SIM1: variants seen among roughly 807,000 people sequenced by gnomAD.
SIM1 encodes SIM bHLH transcription factor 1.
SIM1 carries 18 observed loss-of-function variants against 78.2 expected under a neutral mutation model. The observed-to-expected ratio is 0.23, with a 90% confidence interval of 0.16 to 0.34. SIM1 has a LOEUF of 0.34. SIM1 is among the 10% of genes least tolerant of loss of function. The pLI is 1.00. For synonymous variants in SIM1, 417 were observed against 385.2 expected (o/e 1.08, Z -0.97); for missense variants, 939 against 975.1 (o/e 0.96, Z 0.49).
intron 10 of SIM1, among the ~76,000 whole-genome samples, chr6:100,397,472 C>G (rs1293627512): frequency 6.6e-6 from 1 of 151,708 alleles, no homozygotes; most frequent in Non-Finnish European, 1.5e-5. Flanking sequence ...CACTCATAGG[C>G]AAAAAATCAA....
At chr6:100,444,607 C>T (rs543829344) in intron 9 of SIM1, among the ~76,000 whole-genome samples, 2 of 152,222 alleles carry the variant, frequency 1.3e-5, no homozygotes, top group East Asian at 1.9e-4. Context: ...GGTGGGCATA[C>T]AGAAGTCAGT....
intron 10 of SIM1, among the ~76,000 whole-genome samples, chr6:100,412,583 G>GAAAGAAAGAAAGAA (rs1771229957): frequency 1.2e-5 from 1 of 84,482 alleles, no homozygotes; most frequent in African/African-American, 4.2e-5. Context: ...AAGAAAGAAA[G>GAAAGAAAGAAAGAA]AAAGAAAGAA....
In SIM1 at chr6:100,415,203, A is replaced by G. The variant is rs7766731; in HGVS notation, c.1167+5587T>C. On this transcript the variant is annotated intron_variant, in intron 10 of 11. Transcript: ENST00000369208. ...TCTGGAATGAGGAGGCAATTTATTCATGATTGACATGACGAAACCATGGCA... is the reference window on the plus strand; with the variant it reads ...TCTGGAATGAGGAGGCAATTTATTCGTGATTGACATGACGAAACCATGGCA... Among the ~76,000 whole-genome samples the G allele has an allele frequency of 3.8e-3, 574 of 152,360 alleles. 3 individuals carry two copies. The highest frequency in any genetic ancestry group is 0.013 in the African/African-American group (558 of 41,596).
At chr6:100,458,027 T>TCTCTCTCTCTCTCC (rs1772727180) in intron 2 of SIM1, among the ~76,000 whole-genome samples, 1 of 39,210 alleles carries the variant, frequency 2.6e-5, no homozygotes, top group African/African-American at 6.2e-5. Context: ...TCTCTCTCTC[T>TCTCTCTCTCTCTCC]CTCTCTCTCT....
Position 100,463,651 on chromosome 6 carries a change from G to T in SIM1, c.-183C>A, listed in dbSNP as rs548284201. 3.6e-6 allele frequency: 2 copies of T among 549,040 alleles called. No homozygotes were observed. Among genetic ancestry groups the T allele is most frequent in the South Asian group, 3.1e-5 (1 of 32,212 alleles). 34.0% of individuals were successfully genotyped at this position (549,040 alleles called of 1,614,324 possible). A position where few individuals can be genotyped will look rare whatever the true frequency, so the allele number is the denominator to read the frequency against. ...CAGTAAAAGACCAGCGGGGGTGAAC[G>T]GAAAATATGTTCTTTGAAAATTCGG... is the stretch of plus-strand genomic sequence containing the variant. On this transcript the variant is annotated 5_prime_UTR_variant, in exon 2 of 12. Coordinates refer to ENST00000369208, the MANE Select transcript of SIM1 (RefSeq NM_005068.3).
At chr6:100,446,872 C>T (rs536648129) in intron 9 of SIM1, among the ~76,000 whole-genome samples, 7 of 152,248 alleles carry the variant, frequency 4.6e-5, no homozygotes, top group South Asian at 2.1e-4. Context: ...AACTTCAAAC[C>T]CCAGATTTGA....
chr6:100,461,151 C>A (rs907026494), intron 2 of SIM1, among the ~76,000 whole-genome samples: 6 of 152,176 alleles, frequency 3.9e-5, no homozygotes, highest in Admixed American at 2.0e-4. Flanking sequence ...TTCTGGCCAC[C>A]AAGAGGACTC....
chr6:100,448,991 T>C (rs576760721), intron 6 of SIM1, among the ~76,000 whole-genome samples: 1 of 152,182 alleles, frequency 6.6e-6, no homozygotes, highest in African/African-American at 2.4e-5. Context: ...GTGAGACCCA[T>C]AGCTTCGAAT....
At chr6:100,419,327 G>T (rs966851663) in intron 10 of SIM1, among the ~76,000 whole-genome samples, 2 of 152,244 alleles carry the variant, frequency 1.3e-5, no homozygotes, top group Middle Eastern at 3.4e-3. Flanking sequence ...AAAGAAACCT[G>T]ATCTTCTGTG....
At chr6:100,463,135 T>C in intron 2 of SIM1, 159 bp downstream of exon 2, 1 of 580,780 alleles carries the variant, frequency 1.7e-6, no homozygotes, top group East Asian at 2.8e-5. Context: ...AAATTCTGAG[T>C]TCAGTGAGGA....
At chr6:100,402,603 A>G (rs1770947649) in intron 10 of SIM1, among the ~76,000 whole-genome samples, 2 of 76,430 alleles carry the variant, frequency 2.6e-5, no homozygotes, top group Non-Finnish European at 4.9e-5. Flanking sequence ...TTTGAGACGG[A>G]GTCTCGCCCT....
chr6:100,413,067 C>G (rs140365988), intron 10 of SIM1, among the ~76,000 whole-genome samples: 1 of 152,214 alleles, frequency 6.6e-6, no homozygotes, highest in African/African-American at 2.4e-5. Context: ...AGGTCAACTC[C>G]CAACACATAC....
intron 10 of SIM1, among the ~76,000 whole-genome samples, chr6:100,399,654 T>C (rs141625119): frequency 0.014 from 2,143 of 152,154 alleles, 20 homozygotes; most frequent in Non-Finnish European, 0.022. Context: ...TATATCAAAT[T>C]TACAATTTGA....
intron 9 of SIM1, among the ~76,000 whole-genome samples, chr6:100,426,841 T>A (rs1166143173): frequency 6.6e-6 from 1 of 152,224 alleles, no homozygotes; most frequent in Non-Finnish European, 1.5e-5. Flanking sequence ...GAGTTCTTTG[T>A]TGGCTTTATG....
chr6:100,452,012 G>C (rs756071300), intron 3 of SIM1, among the ~76,000 whole-genome samples: 1 of 152,206 alleles, frequency 6.6e-6, no homozygotes, highest in Non-Finnish European at 1.5e-5. Context: ...GGGTGGCCTT[G>C]AAGCTGTAAC....
At chr6:100,420,458 G>A (rs1771545619) in intron 10 of SIM1, among the ~76,000 whole-genome samples, 1 of 152,000 alleles carries the variant, frequency 6.6e-6, no homozygotes, top group Non-Finnish European at 1.5e-5. Context: ...CTTGTTTCCT[G>A]TATTTTGTTA....
intron 9 of SIM1, among the ~76,000 whole-genome samples, chr6:100,434,038 T>C (rs1400597938): frequency 1.3e-5 from 2 of 152,174 alleles, no homozygotes; most frequent in Admixed American, 1.3e-4. Flanking sequence ...GAAGGTCCTA[T>C]TGAGTCAACC....
chr6:100,462,877 C>G (rs929769656), intron 2 of SIM1: 7 of 158,382 alleles, frequency 4.4e-5, no homozygotes, highest in Non-Finnish European at 6.9e-5. Flanking sequence ...GCTCCAGGTA[C>G]ATGGGTCTAT....
intron 10 of SIM1, among the ~76,000 whole-genome samples, 192 bp downstream of exon 10, chr6:100,420,598 C>A (rs1458778229): frequency 6.6e-6 from 1 of 152,114 alleles, no homozygotes; most frequent in East Asian, 1.9e-4. Context: ...CAGTAAACCA[C>A]AAAATTATTT....
Sources: allele counts gnomAD v4.1 joint callset (sites outside exome capture counted in the v4.1 genomes callset), GRCh38; gene constraint gnomAD v4.1.1; transcripts MANE v1.5; gene names NCBI Gene and HGNC (gene_info 2026-07-23, HGNC 2026-07-21).